The following TMEM132B variants were observed in gnomAD, a reference collection of about 807,000 sequenced individuals.
TMEM132B encodes transmembrane protein 132B.
TMEM132B carries 18 observed loss-of-function variants against 90.8 expected under a neutral mutation model. The ratio of observed to expected loss-of-function variants is 0.20; its 90% CI spans 0.14 to 0.29. The LOEUF (loss-of-function observed/expected upper bound fraction) is 0.29. Among genes scored for constraint, TMEM132B ranks in the 10% least tolerant of loss-of-function variants. The probability of loss-of-function intolerance (pLI) is 1.00; values close to 1 mark genes in which losing one functional copy is unlikely to be tolerated. For synonymous variants in TMEM132B, 504 were observed against 523.3 expected (o/e 0.96, Z 0.50); for missense variants, 1,096 against 1,326.8 (o/e 0.83, Z 2.70).
intron 4 of TMEM132B, among the ~76,000 whole-genome samples, chr12:125,548,063 G>C (rs996363755): frequency 6.6e-6 from 1 of 152,200 alleles, no homozygotes; most frequent in African/African-American, 2.4e-5. Flanking sequence ...TGAGCCCACT[G>C]TGTCTCCTGG....
intron 5 of TMEM132B, among the ~76,000 whole-genome samples, chr12:125,643,329 T>G (rs949112764): frequency 4.6e-5 from 7 of 152,224 alleles, no homozygotes; most frequent in African/African-American, 1.4e-4. Context: ...CTTTCTTCTC[T>G]CTACCTAGTT....
chr12:125,294,899 A>G (rs1283109313), intron 1 of TMEM132B, among the ~76,000 whole-genome samples: 1 of 152,206 alleles, frequency 6.6e-6, no homozygotes, highest in Non-Finnish European at 1.5e-5. Context: ...GAAAAAATGC[A>G]GAATGAAAGT....
At chr12:125,440,824 T>C (rs1472056686) in intron 3 of TMEM132B, among the ~76,000 whole-genome samples, 1 of 152,224 alleles carries the variant, frequency 6.6e-6, no homozygotes, top group Non-Finnish European at 1.5e-5. Context: ...CAGGTGTCTC[T>C]GGAGAAAGCG....
At chr12:125,468,057 G>A (rs955278636) in intron 3 of TMEM132B, among the ~76,000 whole-genome samples, 43 of 151,904 alleles carry the variant, frequency 2.8e-4, no homozygotes, top group African/African-American at 9.4e-4. Context: ...TGTGAATAAT[G>A]CTGCTGTAAA....
In TMEM132B at chr12:125,325,296, C is replaced by T. The variant is rs553478047; in HGVS notation, c.68-24156C>T. ...CTCATCAAAACAGGAGCGTTTGATGCCCCTAGAATGCATGGCCATGGGAGC... is the reference window on the plus strand; with the variant it reads ...CTCATCAAAACAGGAGCGTTTGATGTCCCTAGAATGCATGGCCATGGGAGC... On this transcript the variant is annotated intron_variant, in intron 1 of 8. Coordinates refer to ENST00000682704, the MANE Select transcript of TMEM132B (RefSeq NM_001366854.1). Among the ~76,000 whole-genome samples the T allele has an allele frequency of 8.5e-5, 13 of 152,218 alleles. No individual in the cohort carries two copies. In the South Asian group the frequency reaches 2.1e-3, roughly 24 times the overall value.
chr12:125,356,975 G>C (rs576486561), intron 2 of TMEM132B, among the ~76,000 whole-genome samples: 1 of 152,290 alleles, frequency 6.6e-6, no homozygotes, highest in South Asian at 2.1e-4. Context: ...TTTCCTGCTA[G>C]CAAGTCATCT....
intron 5 of TMEM132B, among the ~76,000 whole-genome samples, chr12:125,624,025 G>A (rs1283062648): frequency 6.6e-6 from 1 of 152,182 alleles, no homozygotes; most frequent in African/African-American, 2.4e-5. Flanking sequence ...TCCCCATTCT[G>A]CCCACCCTGC....
intron 3 of TMEM132B, among the ~76,000 whole-genome samples, chr12:125,431,406 G>T (rs567012092): frequency 6.6e-6 from 1 of 152,068 alleles, no homozygotes; most frequent in South Asian, 2.1e-4. Context: ...ACTCTACTTC[G>T]GTGGAAAGAC....
intron 1 of TMEM132B, among the ~76,000 whole-genome samples, chr12:125,236,969 C>T (rs1353740625): frequency 1.3e-5 from 2 of 152,204 alleles, no homozygotes; most frequent in Non-Finnish European, 2.9e-5. Flanking sequence ...GAAAGACAAG[C>T]ACAGGTGTGT....
At chr12:125,336,993 G>A (rs778223924) in intron 1 of TMEM132B, among the ~76,000 whole-genome samples, 2 of 152,164 alleles carry the variant, frequency 1.3e-5, no homozygotes, top group African/African-American at 2.4e-5. Context: ...TTTAACAGCT[G>A]GTGGTACCTA....
At chr12:125,264,823 C>A (rs1392532086) in intron 1 of TMEM132B, among the ~76,000 whole-genome samples, 1 of 152,252 alleles carries the variant, frequency 6.6e-6, no homozygotes, top group Non-Finnish European at 1.5e-5. Flanking sequence ...TGCAAACACC[C>A]AAACGCATGT....
At chr12:125,613,684 C>T (rs1461227532) in intron 5 of TMEM132B, among the ~76,000 whole-genome samples, 1 of 151,888 alleles carries the variant, frequency 6.6e-6, no homozygotes, top group Non-Finnish European at 1.5e-5. Context: ...ATAACTTCTT[C>T]CTATTACCCG....
rs1235993195 is a variant in TMEM132B, at chr12:125,656,186, A to G, written c.*1476A>G. 1 of 152,242 alleles carries G rather than the reference A, an allele frequency of 6.6e-6. No homozygotes were observed. Among genetic ancestry groups the G allele is most frequent in the Non-Finnish European group, 1.5e-5 (1 of 68,030 alleles). 9.4% of individuals were successfully genotyped at this position (152,242 alleles called of 1,614,324 possible). On this transcript the variant is annotated 3_prime_UTR_variant, in exon 9 of 9. Transcript: ENST00000682704. ...ATGACATATTTATTAAGATTGTATT[A>G]TTGGAAATGTAGACACTGGACTAGT...
At chr12:125,419,202 G>A (rs921288796) in intron 3 of TMEM132B, among the ~76,000 whole-genome samples, 2 of 152,178 alleles carry the variant, frequency 1.3e-5, no homozygotes, top group African/African-American at 2.4e-5. Context: ...GCACACCCAC[G>A]TTGCTGTAAC....
chr12:125,603,703 C>T (rs1001214533), intron 5 of TMEM132B, among the ~76,000 whole-genome samples: 1 of 152,176 alleles, frequency 6.6e-6, no homozygotes, highest in Non-Finnish European at 1.5e-5. Flanking sequence ...ATCTACCCAT[C>T]TGACAAAGAT....
chr12:125,578,618 G>A (rs1259946724), intron 4 of TMEM132B, among the ~76,000 whole-genome samples: 1 of 151,966 alleles, frequency 6.6e-6, no homozygotes, highest in African/African-American at 2.4e-5. Flanking sequence ...GTATTTCTTG[G>A]AAGATGAGTC....
intron 1 of TMEM132B, among the ~76,000 whole-genome samples, chr12:125,296,662 T>C (rs1444930376): frequency 1.3e-5 from 2 of 152,220 alleles, no homozygotes; most frequent in Non-Finnish European, 2.9e-5. Context: ...TCTCAAATGC[T>C]CGGCATAGAA....
Position 125,186,474 on chromosome 12 carries a change from C to T in TMEM132B, c.-326C>T, listed in dbSNP as rs1957760721. Among the ~76,000 whole-genome samples the T allele has an allele frequency of 6.9e-6, 1 of 145,636 alleles. No individual in the cohort carries two copies. The highest frequency in any genetic ancestry group is 2.5e-5 in the African/African-American group (1 of 40,816). ...CGGCGCGACCGGGATGGGACGGGCGCTGGGGCGCAGGAGCCGCGGCGGCGG... is the reference window on the plus strand; with the variant it reads ...CGGCGCGACCGGGATGGGACGGGCGTTGGGGCGCAGGAGCCGCGGCGGCGG... On this transcript the variant is annotated 5_prime_UTR_variant, in exon 1 of 9. Transcript: ENST00000682704. The surrounding 1 kb of genome is among the most constrained non-coding windows in gnomAD (Gnocchi z 6.3).
rs1432828428 is a variant in TMEM132B, at chr12:125,492,995, T to C, written c.1107-26444T>C. Among the ~76,000 whole-genome samples the C allele has an allele frequency of 6.6e-6, 1 of 152,170 alleles. No individual in the cohort carries two copies. The highest frequency in any genetic ancestry group is 2.4e-5 in the African/African-American group (1 of 41,444). On this transcript the variant is annotated intron_variant, in intron 3 of 8. Coordinates refer to ENST00000682704, the MANE Select transcript of TMEM132B (RefSeq NM_001366854.1). The surrounding 1 kb of genome is among the most constrained non-coding windows in gnomAD (Gnocchi z 5.8). ...TCTGAGAAAGGGAGGTGGCACTCCATATCAGGACTAGTGGAGTTACGGAGT... is the reference window on the plus strand; with the variant it reads ...TCTGAGAAAGGGAGGTGGCACTCCACATCAGGACTAGTGGAGTTACGGAGT...
Sources: gnomAD v4.1 joint callset for allele counts (sites outside exome capture counted in the v4.1 genomes callset) on GRCh38, gnomAD v4.1.1 for gene constraint, Gnocchi (gnomAD v3.1) non-coding constraint, MANE v1.5 for transcripts, NCBI Gene and HGNC (gene_info 2026-07-23, HGNC 2026-07-21) for gene names.